The following PPP1R15B variants were observed in gnomAD, a reference collection of about 807,000 sequenced individuals.
PPP1R15B encodes the protein protein phosphatase 1, regulatory (inhibitor) subunit 15B.
In PPP1R15B, 31 loss-of-function variants were observed where a neutral mutation model predicts 53.9. The observed-to-expected ratio is 0.58, with a 90% CI of 0.43 to 0.78. The LOEUF is 0.78. Ranked by LOEUF, PPP1R15B falls within the 30% of genes least tolerant of loss-of-function variation. The probability of loss-of-function intolerance (pLI) is 0.00; values close to 1 mark genes in which losing one functional copy is unlikely to be tolerated. For synonymous variants in PPP1R15B, 345 were observed against 329.1 expected (o/e 1.05, Z -0.52); for missense variants, 928 against 849.6 (o/e 1.09, Z -1.15).
downstream of PPP1R15B, among the ~76,000 whole-genome samples, chr1:204,401,911 C>T (rs114771250): frequency 0.016 from 2,419 of 152,232 alleles, 47 homozygotes; most frequent in African/African-American, 0.045. Context: ...GCCTGGAGGA[C>T]AGAGCAAGAC....
rs930352513 is a variant in PPP1R15B, at chr1:204,411,659, G to A, written c.-248C>T. The A allele has an allele frequency of 3.6e-5, 21 of 587,730 alleles. No homozygotes were observed. The South Asian group carries it at 3.9e-4, about 11-fold the overall frequency. The allele number at this position is 587,730 out of a possible 1,614,324, so 36.4% of individuals were successfully genotyped here. A position where few individuals can be genotyped will look rare whatever the true frequency, so the allele number is the denominator to read the frequency against. On this transcript the variant is annotated 5_prime_UTR_variant, in exon 1 of 2. Coordinates refer to ENST00000367188, the MANE Select transcript of PPP1R15B (RefSeq NM_032833.5). The stretch of plus-strand genomic sequence containing the variant: ...GACTTCCATCCTGGCGGGGAAGGAG[G>A]TTCCCTAGTCGGCTCGACGCTTCAA...
downstream of PPP1R15B, among the ~76,000 whole-genome samples, chr1:204,402,095 A>C (rs1257216795): frequency 1.3e-5 from 2 of 152,370 alleles, no homozygotes; most frequent in Admixed American, 6.5e-5. Flanking sequence ...GGGGAATGGC[A>C]GACATGCTTC....
intron 1 of PPP1R15B, among the ~76,000 whole-genome samples, chr1:204,408,633 G>A (rs1179448786): frequency 6.6e-6 from 1 of 152,152 alleles, no homozygotes; most frequent in East Asian, 1.9e-4. Flanking sequence ...CTTTGAGTTT[G>A]GAGAAGAGTT....
At chr1:204,402,888 A>G (rs542763554), downstream of PPP1R15B, among the ~76,000 whole-genome samples, 484 of 152,192 alleles carry the variant, frequency 3.2e-3, 4 homozygotes, top group Non-Finnish European at 4.8e-3. Flanking sequence ...CCTGGCCAAC[A>G]TGATGAAACC....
At position 204,411,450 on chromosome 1, in the gene PPP1R15B, G is replaced by A. The variant is rs553423533; in HGVS notation, c.-39C>T. 1.5e-5 allele frequency: 24 copies of A among 1,581,792 alleles called. No homozygotes were observed. The East Asian group carries it at 5.1e-4, about 34-fold the overall frequency. ...ACAGTCTCTCAGGTAGGGCCGCGGC[G>A]CTCAGCGGCTGGAGGTCGACGGGAT... On this transcript the variant is annotated 5_prime_UTR_variant, in exon 1 of 2. Coordinates refer to ENST00000367188, the MANE Select transcript of PPP1R15B (RefSeq NM_032833.5).
In PPP1R15B at chr1:204,406,006, C is replaced by A; in HGVS notation, c.*86G>T. The A allele has an allele frequency of 4.0e-6, 6 of 1,498,926 alleles. No homozygotes were observed. The highest frequency in any genetic ancestry group is 1.4e-5 in the South Asian group (1 of 73,128). The allele number at this position is 1,498,926 out of a possible 1,614,324, so 92.9% of individuals were successfully genotyped here. A position where few individuals can be genotyped will look rare whatever the true frequency, so the allele number is the denominator to read the frequency against. Reference sequence around the variant, plus strand: ...ACATTTCCTCTAAAAAAAAAAATGTCAAAGGACAGCTGCCAAGATTTGTTT... The same window carrying A: ...ACATTTCCTCTAAAAAAAAAAATGTAAAAGGACAGCTGCCAAGATTTGTTT... On this transcript the variant is annotated 3_prime_UTR_variant, in exon 2 of 2. Coordinates refer to ENST00000367188, the MANE Select transcript of PPP1R15B (RefSeq NM_032833.5).
Position 204,411,356 on chromosome 1 carries a change from C to T in PPP1R15B, c.56G>A (p.Arg19Gln), listed in dbSNP as rs1251299310. Residue 19 changes from arginine (R) to glutamine (Q), a missense_variant, in exon 1 of 2, where the codon CGG (arginine) becomes CAG (glutamine). Physicochemically the swap from Arg to Gln is conservative, Grantham distance 43 (BLOSUM62 1). Transcript: ENST00000367188. ...CCGAGGGAAAAAGGGTGGCCAGAAC[C>T]GGAAGCCCGCCCGAGGGCCAAGCCG... ...RKRLGPRAGF[R>Q]FWPPFFPRRS... 1.2e-6 allele frequency: 2 copies of T among 1,613,770 alleles called. No individual in the cohort carries two copies. The highest frequency in any genetic ancestry group is 1.7e-6 in the Non-Finnish European group (2 of 1,180,034).
downstream of PPP1R15B, among the ~76,000 whole-genome samples, chr1:204,400,290 CCT>C (rs1491096778): frequency 6.6e-6 from 1 of 150,498 alleles, no homozygotes; most frequent in Non-Finnish European, 1.5e-5. Flanking sequence ...TTTACTATCA[CCT>C]CTTTCTTTGA....
rs747507831 is a variant in PPP1R15B, at chr1:204,411,023, T to C, written c.389A>G (p.Asp130Gly). ...AQKSLSSLQLDSSDPSVTSPL... is the reference protein window; with the variant it reads ...AQKSLSSLQLGSSDPSVTSPL... Reference sequence around the variant, plus strand: ...ACTGGTGACCGAGGGGTCTGAGGAGTCGAGCTGCAGCGAACTCAAAGATTT... The same window carrying C: ...ACTGGTGACCGAGGGGTCTGAGGAGCCGAGCTGCAGCGAACTCAAAGATTT... Residue 130 changes from aspartate (D) to glycine (G), a missense_variant, in exon 1 of 2, where the codon GAC becomes GGC. Coordinates refer to ENST00000367188, the MANE Select transcript of PPP1R15B (RefSeq NM_032833.5). 4 of 1,613,874 alleles carry C rather than the reference T, an allele frequency of 2.5e-6. No homozygotes were observed. In the Admixed American group the frequency reaches 5.0e-5, roughly 20 times the overall value.
chr1:204,410,532 G>A lies in PPP1R15B; in HGVS notation c.880C>T (p.His294Tyr). The A allele has an allele frequency of 6.2e-7, 1 of 1,614,200 alleles. No homozygotes were observed. Among genetic ancestry groups the A allele is most frequent in the Middle Eastern group, 1.6e-4 (1 of 6,062 alleles). Reference protein sequence around the residue: ...PLSTEGLPEIHHLRMKRLEFL... With the variant: ...PLSTEGLPEIYHLRMKRLEFL... ...TCCAGCCGTTTCATGCGAAGATGGTGAATTTCTGGTAGGCCTTCCGTAGAA... is the reference window on the plus strand; with the variant it reads ...TCCAGCCGTTTCATGCGAAGATGGTAAATTTCTGGTAGGCCTTCCGTAGAA... The change falls in exon 1 of 2, where the codon CAC (histidine) becomes TAC (tyrosine). Residue 294 changes from histidine to tyrosine, a missense_variant. Physicochemically the swap from His to Tyr is moderately conservative, Grantham distance 83 (BLOSUM62 2). Transcript: ENST00000367188.
At chr1:204,398,994 G>C (rs1186107496), downstream of PPP1R15B, among the ~76,000 whole-genome samples, 1 of 152,206 alleles carries the variant, frequency 6.6e-6, no homozygotes, top group Admixed American at 6.5e-5. Flanking sequence ...TTTAGTTAAA[G>C]CTTACGGTAG....
intron 1 of PPP1R15B, among the ~76,000 whole-genome samples, chr1:204,406,514 C>T (rs1021213701): frequency 6.6e-6 from 1 of 152,036 alleles, no homozygotes; most frequent in Non-Finnish European, 1.5e-5. Context: ...TTTTGGGAGG[C>T]GGAAGCAGGC....
At position 204,405,438 on chromosome 1, in the gene PPP1R15B, T is replaced by G. The variant is rs1239803800; in HGVS notation, c.*654A>C. ...AGTAAAGTACTGCACATATGGGTTT[T>G]GTGGCAGTCCTTGGAAATATCCTAG... On this transcript the variant is annotated 3_prime_UTR_variant, in exon 2 of 2. Coordinates refer to ENST00000367188, the MANE Select transcript of PPP1R15B (RefSeq NM_032833.5). The G allele has an allele frequency of 2.0e-6, 2 of 984,930 alleles. No homozygotes were observed. Among genetic ancestry groups the G allele is most frequent in the Non-Finnish European group, 2.4e-6 (2 of 829,612 alleles). 61.0% of individuals were successfully genotyped at this position (984,930 alleles called of 1,614,324 possible).
downstream of PPP1R15B, among the ~76,000 whole-genome samples, chr1:204,402,570 G>A (rs538899106): frequency 1.2e-4 from 18 of 151,938 alleles, no homozygotes; most frequent in South Asian, 2.1e-4. Flanking sequence ...ACAGGTGTGC[G>A]CCACCATGGG....
chr1:204,402,619 A>G (rs7553784), downstream of PPP1R15B, among the ~76,000 whole-genome samples: 26,663 of 151,306 alleles, frequency 0.18, 2,576 homozygotes, highest in African/African-American at 0.25. Flanking sequence ...AAAGTGTCTC[A>G]CTATGTTGCT....
chr1:204,411,387 G>C lies in PPP1R15B; in HGVS notation c.25C>G (p.Arg9Gly), dbSNP rs759915160. Residue 9 changes from arginine (R) to glycine (G), a missense_variant, in exon 1 of 2, where the codon CGG becomes GGG. Physicochemically the swap from Arg to Gly is moderately radical, Grantham distance 125. Transcript: ENST00000367188. MEPGTGGS[R>G]KRLGPRAGFR... ...CCCGCCCGAGGGCCAAGCCGTTTCC[G>C]CGATCCGCCTGTCCCCGGCTCCATC... The C allele has an allele frequency of 5.2e-5, 84 of 1,612,762 alleles. No individual in the cohort carries two copies. The highest frequency in any genetic ancestry group is 1.9e-4 in the Middle Eastern group (1 of 5,240).
At position 204,410,488 on chromosome 1, in the gene PPP1R15B, G is replaced by A. The variant is rs1220098647; in HGVS notation, c.924C>T (p.Ser308=). The A allele has an allele frequency of 4.3e-6, 7 of 1,614,168 alleles. No individual in the cohort carries two copies. The highest frequency in any genetic ancestry group is 5.9e-6 in the Non-Finnish European group (7 of 1,180,032). Residue 308 remains serine, a synonymous_variant, in exon 1 of 2, where the codon AGC becomes AGT. Transcript: ENST00000367188. Reference sequence around the variant, plus strand: ...CAGGGGTGGGTAAATCTTGCCCCTTGCTAGCCTGTTGAAGGAATTCCAGCC... The same window carrying A: ...CAGGGGTGGGTAAATCTTGCCCCTTACTAGCCTGTTGAAGGAATTCCAGCC... The part of the protein sequence containing the change: ...MKRLEFLQQA[S]KGQDLPTPDQ...
chr1:204,406,896 G>GCCC (rs879649308), intron 1 of PPP1R15B, among the ~76,000 whole-genome samples: 18 of 150,620 alleles, frequency 1.2e-4, no homozygotes, highest in African/African-American at 4.2e-4. Flanking sequence ...ACAGTCGTCT[G>GCCC]CCCCCCCCAA....
downstream of PPP1R15B, chr1:204,400,690 A>G (rs1322506581): frequency 3.3e-6 from 3 of 922,012 alleles, no homozygotes; most frequent in African/African-American, 5.3e-5. Context: ...TGAGCTCTGT[A>G]GAAAAGTCAA....
Sources: gnomAD v4.1 joint callset for allele counts (sites outside exome capture counted in the v4.1 genomes callset) on GRCh38, gnomAD v4.1.1 for gene constraint, MANE v1.5 for transcripts, NCBI Gene and HGNC (gene_info 2026-07-23, HGNC 2026-07-21) for gene names.